The following ZNG1E variants were observed in gnomAD, a reference collection of about 807,000 sequenced individuals.
The protein encoded by ZNG1E is Zn regulated GTPase metalloprotein activator 1E, also known as zinc-regulated GTPase metalloprotein activator 1E.
At chr9:65,733,492 A>T in the ZNG1E span, 1 of 1,164,110 alleles carries the variant, frequency 8.6e-7, no homozygotes, top group Non-Finnish European at 1.3e-6. Flanking sequence ...ATCACGTCAT[A>T]TTTTGTTTTG....
chr9:65,704,576 C>T, the ZNG1E span: 1 of 933,496 alleles, frequency 1.1e-6, no homozygotes, highest in Non-Finnish European at 1.2e-6. Flanking sequence ...AATATTCTCT[C>T]AAATTCCTTG....
the ZNG1E span, among the ~76,000 whole-genome samples, chr9:65,674,473 T>C: frequency 6.6e-6 from 1 of 152,284 alleles, no homozygotes; most frequent in Non-Finnish European, 1.5e-5. Context: ...TTTTATGACC[T>C]AACCTGGACA....
the ZNG1E span, among the ~76,000 whole-genome samples, chr9:65,679,714 C>T: frequency 6.6e-6 from 1 of 152,244 alleles, no homozygotes; most frequent in Admixed American, 6.5e-5. Flanking sequence ...GCCACCATGC[C>T]CAGATAATTT....
At chr9:65,668,309 C>T in the ZNG1E span, among the ~76,000 whole-genome samples, 4 of 146,804 alleles carry the variant, frequency 2.7e-5, no homozygotes, top group Non-Finnish European at 4.5e-5. Flanking sequence ...TAATATTGGA[C>T]CAAAAAAATC....
chr9:65,658,582 A>G, the ZNG1E span, among the ~76,000 whole-genome samples: 2 of 34,726 alleles, frequency 5.8e-5, no homozygotes, highest in Non-Finnish European at 1.1e-4. Flanking sequence ...ACTTGAGTGA[A>G]AAAAAAAAAA....
chr9:65,720,987 A>AC, the ZNG1E span, among the ~76,000 whole-genome samples: 70 of 151,074 alleles, frequency 4.6e-4, no homozygotes, highest in African/African-American at 1.6e-3. Flanking sequence ...AAAAAAAAAA[A>AC]AACCCAGTTC....
At chr9:65,717,619 T>A in the ZNG1E span, among the ~76,000 whole-genome samples, 2 of 149,618 alleles carry the variant, frequency 1.3e-5, no homozygotes, top group African/African-American at 2.5e-5. Context: ...TTACAGATCC[T>A]GTGATACATT....
the ZNG1E span, among the ~76,000 whole-genome samples, chr9:65,686,635 AAAAT>A: frequency 7.2e-5 from 11 of 152,294 alleles, no homozygotes; most frequent in Non-Finnish European, 1.3e-4. Context: ...ACTCCATCTC[AAAAT>A]AAATAAATAA....
At chr9:65,702,271 AT>A in the ZNG1E span, among the ~76,000 whole-genome samples, 1 of 151,962 alleles carries the variant, frequency 6.6e-6, no homozygotes, top group East Asian at 1.9e-4. Flanking sequence ...AGACAATTGA[AT>A]TCATGATAGA....
the ZNG1E span, among the ~76,000 whole-genome samples, chr9:65,678,860 G>A: frequency 2.1e-5 from 3 of 140,386 alleles, no homozygotes; most frequent in African/African-American, 8.6e-5. Context: ...TCTCGTTAAT[G>A]TTGAAATAAA....
At chr9:65,681,806 A>G in the ZNG1E span, 1 of 1,525,856 alleles carries the variant, frequency 6.6e-7, no homozygotes, top group Non-Finnish European at 8.8e-7. Flanking sequence ...TAGAAAATAA[A>G]CTTATTAGGA....
At chr9:65,668,297 G>T in the ZNG1E span, among the ~76,000 whole-genome samples, 3,909 of 144,240 alleles carry the variant, frequency 0.027, 4 homozygotes, top group African/African-American at 0.1. Context: ...CAGGGGCAAA[G>T]GTAATATTGG....
At chr9:65,668,083 G>A in the ZNG1E span, among the ~76,000 whole-genome samples, 135 of 137,964 alleles carry the variant, frequency 9.8e-4, no homozygotes, top group East Asian at 1.7e-3. Flanking sequence ...AAGAAAGCAA[G>A]CTCCAGAACA....
At chr9:65,662,374 TCGG>T in the ZNG1E span, among the ~76,000 whole-genome samples, 1 of 152,242 alleles carries the variant, frequency 6.6e-6, no homozygotes, top group African/African-American at 2.4e-5. Flanking sequence ...AAACAGGTCT[TCGG>T]TGGGACAACT....
At chr9:65,664,338 G>A in the ZNG1E span, among the ~76,000 whole-genome samples, 1 of 148,554 alleles carries the variant, frequency 6.7e-6, no homozygotes, top group Non-Finnish European at 1.5e-5. Flanking sequence ...CCCGGTGGGA[G>A]GTAATTGAAT....
At chr9:65,710,127 T>A in the ZNG1E span, among the ~76,000 whole-genome samples, 1 of 146,712 alleles carries the variant, frequency 6.8e-6, no homozygotes, top group Non-Finnish European at 1.5e-5. Context: ...TTTTTTCATG[T>A]GTTTTTTGGC....
At chr9:65,665,207 G>A in the ZNG1E span, among the ~76,000 whole-genome samples, 1 of 152,284 alleles carries the variant, frequency 6.6e-6, no homozygotes, top group African/African-American at 2.4e-5. Flanking sequence ...GGGCATGTCA[G>A]AGTTCTTCAT....
chr9:65,691,059 T>A, the ZNG1E span: 6 of 1,585,188 alleles, frequency 3.8e-6, no homozygotes, highest in Non-Finnish European at 4.3e-6. Context: ...TTTATCTTTC[T>A]TGTTTTTTTT....
At chr9:65,667,193 T>G in the ZNG1E span, among the ~76,000 whole-genome samples, 1 of 152,226 alleles carries the variant, frequency 6.6e-6, no homozygotes, top group Non-Finnish European at 1.5e-5. Flanking sequence ...ATTATCAAGA[T>G]GCAATATGTG....
Sources: gnomAD v4.1 joint callset for allele counts (sites outside exome capture counted in the v4.1 genomes callset) on GRCh38, gnomAD v4.1.1 for gene constraint, MANE v1.5 for transcripts, NCBI Gene and HGNC (gene_info 2026-07-23, HGNC 2026-07-21) for gene names.